The following AKR1C8 variants were observed in gnomAD, a reference collection of about 807,000 sequenced individuals.
AKR1C8 encodes the protein aldo-keto reductase family 1 member C8.
At chr10:5,181,190 T>C in the AKR1C8 span, among the ~76,000 whole-genome samples, 1 of 152,204 alleles carries the variant, frequency 6.6e-6, no homozygotes, top group African/African-American at 2.4e-5. Flanking sequence ...TAAAGAATTA[T>C]TAAAGGTTTA....
At chr10:5,146,860 T>C in the AKR1C8 span, among the ~76,000 whole-genome samples, 6 of 152,330 alleles carry the variant, frequency 3.9e-5, no homozygotes, top group Non-Finnish European at 7.4e-5. Flanking sequence ...TTGTCACTAA[T>C]GGTATGTCTG....
the AKR1C8 span, among the ~76,000 whole-genome samples, chr10:5,130,647 C>A: frequency 1.3e-5 from 2 of 151,630 alleles, no homozygotes; most frequent in Non-Finnish European, 1.5e-5. Flanking sequence ...TGCTGAGAGT[C>A]AAATTAAGAA....
the AKR1C8 span, among the ~76,000 whole-genome samples, chr10:5,136,554 C>A: frequency 6.6e-6 from 1 of 152,094 alleles, no homozygotes; most frequent in Non-Finnish European, 1.5e-5. Flanking sequence ...CTGATGAATC[C>A]ACACCAATAT....
the AKR1C8 span, among the ~76,000 whole-genome samples, chr10:5,158,166 A>G: frequency 5.9e-5 from 9 of 152,204 alleles, no homozygotes; most frequent in Admixed American, 5.9e-4. Context: ...TAGAGCACAC[A>G]AAACTAATCT....
the AKR1C8 span, among the ~76,000 whole-genome samples, chr10:5,175,901 C>T: frequency 1.7e-4 from 26 of 151,994 alleles, no homozygotes; most frequent in South Asian, 4.1e-4. Context: ...GAGTAGGTTG[C>T]GAAAATTTTC....
chr10:5,170,941 T>C, the AKR1C8 span, among the ~76,000 whole-genome samples: 1 of 152,140 alleles, frequency 6.6e-6, no homozygotes, highest in East Asian at 1.9e-4. Context: ...ATTTTGTTTA[T>C]GGGAGTAAAC....
At chr10:5,136,229 G>A in the AKR1C8 span, among the ~76,000 whole-genome samples, 1 of 152,098 alleles carries the variant, frequency 6.6e-6, no homozygotes, top group Non-Finnish European at 1.5e-5. Context: ...TTTTACTTGT[G>A]TCTCTCTTTG....
At chr10:5,138,658 T>C in the AKR1C8 span, among the ~76,000 whole-genome samples, 1 of 152,148 alleles carries the variant, frequency 6.6e-6, no homozygotes, top group Non-Finnish European at 1.5e-5. Flanking sequence ...AAAGTATTAT[T>C]TGGGAACTGA....
the AKR1C8 span, among the ~76,000 whole-genome samples, chr10:5,170,407 G>A: frequency 1.4e-3 from 207 of 152,016 alleles, 1 homozygote; most frequent in Non-Finnish European, 2.4e-3. Context: ...ATTATACTTG[G>A]CTTAATTATT....
chr10:5,126,562 C>T, the AKR1C8 span, among the ~76,000 whole-genome samples: 1 of 152,182 alleles, frequency 6.6e-6, no homozygotes, highest in African/African-American at 2.4e-5. Flanking sequence ...ACAAATGGTT[C>T]CTATCCAGAG....
chr10:5,174,109 T>C, the AKR1C8 span, among the ~76,000 whole-genome samples: 1 of 151,922 alleles, frequency 6.6e-6, no homozygotes, highest in Non-Finnish European at 1.5e-5. Flanking sequence ...CTTCCAACTA[T>C]ACCTATTTAT....
the AKR1C8 span, among the ~76,000 whole-genome samples, chr10:5,130,368 G>A: frequency 1.3e-5 from 2 of 151,908 alleles, no homozygotes; most frequent in Non-Finnish European, 2.9e-5. Context: ...TCAAGACAAG[G>A]ATGCTCAATT....
At chr10:5,144,183 T>C in the AKR1C8 span, among the ~76,000 whole-genome samples, 1 of 152,172 alleles carries the variant, frequency 6.6e-6, no homozygotes, top group Non-Finnish European at 1.5e-5. Context: ...CAGATAGTTG[T>C]AGATATGCGG....
the AKR1C8 span, among the ~76,000 whole-genome samples, chr10:5,145,500 G>C: frequency 6.6e-6 from 1 of 151,368 alleles, no homozygotes; most frequent in Non-Finnish European, 1.5e-5. Flanking sequence ...AAATTTACAA[G>C]AAAAAAAACA....
At chr10:5,146,776 G>C in the AKR1C8 span, among the ~76,000 whole-genome samples, 3 of 152,106 alleles carry the variant, frequency 2.0e-5, no homozygotes, top group Non-Finnish European at 4.4e-5. Context: ...TATTGCATTT[G>C]CTTTTGGGTT....
At chr10:5,179,598 C>A in the AKR1C8 span, among the ~76,000 whole-genome samples, 1 of 149,298 alleles carries the variant, frequency 6.7e-6, no homozygotes, top group Non-Finnish European at 1.5e-5. Flanking sequence ...CCATTCTCCC[C>A]ATCACTTTCA....
the AKR1C8 span, among the ~76,000 whole-genome samples, chr10:5,172,224 TA>T: frequency 6.6e-6 from 1 of 152,132 alleles, no homozygotes; most frequent in Non-Finnish European, 1.5e-5. Flanking sequence ...ATTTCTTGCA[TA>T]AATTCTCTTT....
At chr10:5,140,603 C>T in the AKR1C8 span, among the ~76,000 whole-genome samples, 1,106 of 150,926 alleles carry the variant, frequency 7.3e-3, 6 homozygotes, top group African/African-American at 0.021. Flanking sequence ...ACAATGAGAA[C>T]GCTTGGACAC....
the AKR1C8 span, among the ~76,000 whole-genome samples, chr10:5,174,883 G>A: frequency 9.9e-5 from 15 of 151,746 alleles, no homozygotes; most frequent in African/African-American, 1.9e-4. Flanking sequence ...ACAAAACCAC[G>A]GTCTATATAA....
Sources: gnomAD v4.1 joint callset for allele counts (sites outside exome capture counted in the v4.1 genomes callset) on GRCh38, gnomAD v4.1.1 for gene constraint, MANE v1.5 for transcripts, NCBI Gene and HGNC (gene_info 2026-07-23, HGNC 2026-07-21) for gene names.